The following XIRP2 variants were observed in gnomAD, a reference collection of about 807,000 sequenced individuals.
XIRP2 encodes xin actin binding repeat containing 2.
XIRP2 carries 236 observed loss-of-function variants against 277.0 expected under a neutral mutation model. That is an observed-to-expected ratio of 0.85 (90% confidence interval 0.77 to 0.95). The LOEUF is 0.95. Among genes scored for constraint, XIRP2 ranks in the 40% least tolerant of loss-of-function variants. The pLI is 0.00. For synonymous variants in XIRP2, 1,490 were observed against 1,416.5 expected (o/e 1.05, Z -1.17); for missense variants, 4,640 against 4,157.5 (o/e 1.12, Z -3.19).
At chr2:167,043,155 A>G (rs764860912) in intron 2 of XIRP2, among the ~76,000 whole-genome samples, 21 of 152,200 alleles carry the variant, frequency 1.4e-4, no homozygotes, top group Non-Finnish European at 2.2e-4. Flanking sequence ...GGTATAATGT[A>G]CCAGAATTTC....
intron 3 of XIRP2, among the ~76,000 whole-genome samples, chr2:167,169,698 T>C (rs1296215156): frequency 6.6e-6 from 1 of 152,210 alleles, no homozygotes; most frequent in Non-Finnish European, 1.5e-5. Flanking sequence ...TTTCTTTAAT[T>C]TTATTTTCTG....
At position 167,258,978 on chromosome 2, in the gene XIRP2, G is replaced by A; in HGVS notation, c.*1161G>A. ...AGAGGCCTTATGGTAAAGGGGGGAA[G>A]TTCAATCATCTCTCCTGATACAAAT... On this transcript the variant is annotated 3_prime_UTR_variant, in exon 11 of 11. Transcript: ENST00000409195. 2 of 1,612,066 alleles carry A rather than the reference G, an allele frequency of 1.2e-6. No homozygotes were observed. The highest frequency in any genetic ancestry group is 1.7e-6 in the Non-Finnish European group (2 of 1,179,012).
intron 3 of XIRP2, among the ~76,000 whole-genome samples, chr2:167,160,836 G>A (rs527592547): frequency 5.3e-5 from 8 of 152,196 alleles, no homozygotes; most frequent in South Asian, 4.1e-4. Context: ...GCATTAACTC[G>A]AAAGTCCACA....
At chr2:167,156,845 T>A (rs1474741883) in intron 3 of XIRP2, among the ~76,000 whole-genome samples, 1 of 152,158 alleles carries the variant, frequency 6.6e-6, no homozygotes, top group Non-Finnish European at 1.5e-5. Flanking sequence ...AAAATATGAA[T>A]GGCTTTTTAG....
chr2:166,922,242 G>A (rs1175546303), intron 2 of XIRP2, among the ~76,000 whole-genome samples: 1 of 151,096 alleles, frequency 6.6e-6, no homozygotes, highest in African/African-American at 2.4e-5. Context: ...GCTACCTCAC[G>A]AACTGCACAT....
At chr2:167,080,457 G>A (rs1397202389) in intron 2 of XIRP2, among the ~76,000 whole-genome samples, 1 of 152,024 alleles carries the variant, frequency 6.6e-6, no homozygotes, top group East Asian at 1.9e-4. Flanking sequence ...GCCACCAAAG[G>A]GCCAGAATCT....
chr2:167,009,043 ATATT>A (rs772710323), intron 2 of XIRP2, among the ~76,000 whole-genome samples: 1 of 150,874 alleles, frequency 6.6e-6, no homozygotes, highest in African/African-American at 2.4e-5. Flanking sequence ...CCTATTGGCA[ATATT>A]TATTTATTTA....
At chr2:166,964,167 T>C (rs1686367708) in intron 2 of XIRP2, among the ~76,000 whole-genome samples, 1 of 151,866 alleles carries the variant, frequency 6.6e-6, no homozygotes, top group South Asian at 2.1e-4. Flanking sequence ...ATTATGAGTA[T>C]ATGGATAAAA....
Position 167,249,670 on chromosome 2 carries a change from T to C in XIRP2, c.8278T>C (p.Cys2760Arg). The change falls in exon 9 of 11, where the codon TGT becomes CGT. Residue 2760 changes from cysteine to arginine, a missense_variant. Transcript: ENST00000409195. ...KTKKTEASTE[C>R]SHKQSLAERH... ...CAAGAAAACTGAAGCAAGCACTGAA[T>C]GTAGTCATAAGCAATCTCTGGCTGA... is the stretch of plus-strand genomic sequence containing the variant. 5 of 1,613,462 alleles carry C rather than the reference T, an allele frequency of 3.1e-6. No homozygotes were observed. The highest frequency in any genetic ancestry group is 4.2e-6 in the Non-Finnish European group (5 of 1,179,716).
chr2:167,125,808 C>T (rs191108214), intron 2 of XIRP2, among the ~76,000 whole-genome samples: 56 of 152,228 alleles, frequency 3.7e-4, no homozygotes, highest in African/African-American at 1.3e-3. Flanking sequence ...GTTTTAATCA[C>T]TCATGGTTCT....
chr2:167,186,575 G>T (rs533483205), intron 3 of XIRP2, among the ~76,000 whole-genome samples: 1 of 152,194 alleles, frequency 6.6e-6, no homozygotes, highest in South Asian at 2.1e-4. Flanking sequence ...TCATTTTTGA[G>T]CTAAATGGCA....
intron 2 of XIRP2, among the ~76,000 whole-genome samples, chr2:166,978,002 A>G (rs1189534552): frequency 6.6e-6 from 1 of 152,210 alleles, no homozygotes; most frequent in East Asian, 1.9e-4. Flanking sequence ...ATTTAAATTT[A>G]TAATTCAAGT....
intron 4 of XIRP2, among the ~76,000 whole-genome samples, chr2:167,211,317 G>A (rs1461870349): frequency 6.6e-6 from 1 of 151,956 alleles, no homozygotes; most frequent in Non-Finnish European, 1.5e-5. Context: ...GGATGGTATC[G>A]ATCTCTTGAC....
At chr2:166,913,308 G>GAA in intron 2 of XIRP2, among the ~76,000 whole-genome samples, 1 of 62,990 alleles carries the variant, frequency 1.6e-5, no homozygotes, top group Non-Finnish European at 4.4e-5. Flanking sequence ...GCAATGGTGG[G>GAA]CACCCCCCCC....
chr2:167,168,101 T>G (rs879355704), intron 3 of XIRP2, among the ~76,000 whole-genome samples: 4 of 152,214 alleles, frequency 2.6e-5, no homozygotes, highest in Admixed American at 6.5e-5. Context: ...ATAATTCTTA[T>G]CTATGCTATT....
chr2:167,064,361 G>A (rs79176160), intron 2 of XIRP2, among the ~76,000 whole-genome samples: 11,112 of 151,660 alleles, frequency 0.073, 482 homozygotes, highest in South Asian at 0.17. Flanking sequence ...ATTATATGCC[G>A]CATAAGAATT....
At chr2:166,941,391 C>G (rs917338555) in intron 2 of XIRP2, among the ~76,000 whole-genome samples, 1 of 152,212 alleles carries the variant, frequency 6.6e-6, no homozygotes, top group Non-Finnish European at 1.5e-5. Context: ...CCTTGCACTT[C>G]CCAGGTAAGG....
intron 2 of XIRP2, among the ~76,000 whole-genome samples, chr2:167,020,543 T>G (rs1253154946): frequency 6.6e-6 from 1 of 151,986 alleles, no homozygotes; most frequent in Admixed American, 6.6e-5. Flanking sequence ...ATTCGTATGA[T>G]CAGTACTCAT....
intron 3 of XIRP2, among the ~76,000 whole-genome samples, chr2:167,198,184 T>G (rs1185673853): frequency 6.6e-6 from 1 of 152,208 alleles, no homozygotes; most frequent in Admixed American, 6.5e-5. Flanking sequence ...CTTTGGACTG[T>G]TCCTAGTACC....
Sources: gnomAD v4.1 joint callset for allele counts (sites outside exome capture counted in the v4.1 genomes callset) on GRCh38, gnomAD v4.1.1 for gene constraint, MANE v1.5 for transcripts, NCBI Gene and HGNC (gene_info 2026-07-23, HGNC 2026-07-21) for gene names.